The following KCNV2 variants were observed in gnomAD, a reference collection of about 807,000 sequenced individuals.
KCNV2 encodes the protein potassium voltage-gated channel modifier subfamily V member 2.
Under a neutral mutation model 37.0 loss-of-function variants are expected in KCNV2, and 65 were observed. That is an observed-to-expected ratio of 1.76 (90% CI 1.44 to 2.16). KCNV2 has a LOEUF of 2.16. Ranked by LOEUF, KCNV2 falls within the 30% of genes most tolerant of loss-of-function variation. KCNV2 has a pLI of 0.00. For synonymous variants in KCNV2, 518 were observed against 328.6 expected (o/e 1.58, Z -6.23); for missense variants, 1,232 against 766.7 (o/e 1.61, Z -7.17).
rs186539589 is a variant in KCNV2 at position 2,727,791 on chromosome 9, G to A, written c.1357-1655G>A. On this transcript the variant is annotated intron_variant, in intron 1 of 1. Coordinates refer to ENST00000382082, the MANE Select transcript of KCNV2 (RefSeq NM_133497.4). Reference sequence around the variant, plus strand: ...TCAATTCCTATAACAACTCTGTGAGGTAGATACCACACATTTCAAAAGTAG... The same window carrying A: ...TCAATTCCTATAACAACTCTGTGAGATAGATACCACACATTTCAAAAGTAG... Among the ~76,000 whole-genome samples the A allele has an allele frequency of 2.4e-3, 363 of 152,224 alleles. 1 individual carries two copies. The highest frequency in any genetic ancestry group is 5.6e-3 in the Admixed American group (86 of 15,294).
rs759416842 is a variant in KCNV2, at chr9:2,718,458, G to A, written c.719G>A (p.Gly240Asp). Residue 240 changes from glycine (G) to aspartate (D), a missense_variant, in exon 1 of 2, where the codon GGC becomes GAC. Transcript: ENST00000382082. ...CTCTTCCGCGACATGCGCTTCTACG[G>A]CCCGCAGCGGCGCCGCCTCTGGAAC... ...EELFRDMRFY[G>D]PQRRRLWNLM... 16 of 1,607,868 alleles carry A rather than the reference G, an allele frequency of 1.0e-5. No homozygotes were observed. Among genetic ancestry groups the A allele is most frequent in the Admixed American group, 3.4e-5 (2 of 59,380 alleles).
At chr9:2,723,964 T>TC (rs1491449853) in intron 1 of KCNV2, among the ~76,000 whole-genome samples, 3 of 125,222 alleles carry the variant, frequency 2.4e-5, no homozygotes, top group African/African-American at 1.2e-4. Context: ...TTTCTTTTAC[T>TC]TTTTTTTTTT....
intron 1 of KCNV2, among the ~76,000 whole-genome samples, 182 bp from the exon 2 acceptor site, chr9:2,729,264 C>T (rs1454056857): frequency 6.6e-6 from 1 of 152,172 alleles, no homozygotes; most frequent in Non-Finnish European, 1.5e-5. Context: ...AGCTTCTGTT[C>T]TTTTCATGAC....
At chr9:2,724,056 T>C (rs1199154844) in intron 1 of KCNV2, among the ~76,000 whole-genome samples, 1 of 151,876 alleles carries the variant, frequency 6.6e-6, no homozygotes, top group Non-Finnish European at 1.5e-5. Context: ...ATGGGTATGT[T>C]TTCAAGTAGA....
rs1819914684 is a variant in KCNV2 at position 2,723,434 on chromosome 9, T to C, written c.1356+4339T>C. On this transcript the variant is annotated intron_variant, in intron 1 of 1. Transcript: ENST00000382082. Reference sequence around the variant, plus strand: ...AAGGATTTAAGAAAAATACAGTAGTTTTCATTACTGTGAATTCTCCTGCAG... The same window carrying C: ...AAGGATTTAAGAAAAATACAGTAGTCTTCATTACTGTGAATTCTCCTGCAG... Among the ~76,000 whole-genome samples, 7 of 152,334 alleles carry C rather than the reference T, an allele frequency of 4.6e-5. No individual in the cohort carries two copies. In the South Asian group the frequency reaches 1.5e-3, roughly 32 times the overall value.
chr9:2,729,332 TTACAC>T (rs1382016620), intron 1 of KCNV2, 109 bp from the exon 2 acceptor site: 1 of 1,170,832 alleles, frequency 8.5e-7, no homozygotes, highest in African/African-American at 1.5e-5. Context: ...TGGGAAGCCA[TTACAC>T]TTCCCATGTG....
intron 1 of KCNV2, among the ~76,000 whole-genome samples, chr9:2,721,706 T>C (rs1462440604): frequency 6.6e-6 from 1 of 152,172 alleles, no homozygotes; most frequent in Admixed American, 6.5e-5. Context: ...TACATTCTAA[T>C]GGAGAAAGAC....
chr9:2,724,566 G>C (rs1819939200), intron 1 of KCNV2, among the ~76,000 whole-genome samples: 1 of 152,208 alleles, frequency 6.6e-6, no homozygotes, highest in South Asian at 2.1e-4. Flanking sequence ...ATGGGAAAAG[G>C]TGTTGCCACC....
At chr9:2,722,858 C>G (rs998139745) in intron 1 of KCNV2, among the ~76,000 whole-genome samples, 1 of 152,146 alleles carries the variant, frequency 6.6e-6, no homozygotes, top group African/African-American at 2.4e-5. Flanking sequence ...CTGCATTCCT[C>G]TGGCAGACTC....
In KCNV2 at chr9:2,717,929, G is replaced by T; in HGVS notation, c.190G>T (p.Glu64Ter). 6.2e-7 allele frequency: 1 copy of T among 1,614,182 alleles called. No individual in the cohort carries two copies. The highest frequency in any genetic ancestry group is 1.1e-5 in the South Asian group (1 of 91,086). Reference protein sequence around the residue: ...YIEEDEDGEEEDQWKDDLAEE... With the variant: ...YIEEDEDGEE ...CGAGGAAGACGAAGACGGCGAGGAG[G>T]AGGACCAGTGGAAGGACGACCTGGC... Residue 64 changes from glutamate to a stop codon, truncating the protein, a stop_gained, in exon 1 of 2, where the codon GAG becomes TAG. Coordinates refer to ENST00000382082, the MANE Select transcript of KCNV2 (RefSeq NM_133497.4). LOFTEE classifies it high-confidence loss of function.
Position 2,729,971 on chromosome 9 carries a change from A to G in KCNV2, c.*244A>G. 2.0e-6 allele frequency: 1 copy of G among 492,962 alleles called. No homozygotes were observed. The highest frequency in any genetic ancestry group is 3.6e-6 in the Non-Finnish European group (1 of 277,050). The allele number at this position is 492,962 out of a possible 1,614,324, so 30.5% of individuals were successfully genotyped here. On this transcript the variant is annotated 3_prime_UTR_variant, in exon 2 of 2. Coordinates refer to ENST00000382082, the MANE Select transcript of KCNV2 (RefSeq NM_133497.4). ...ACGTTGATATTGAAAACCTGAGGGG[A>G]GCAACAGCTTAGATTTTTCTTGTAG...
rs886063817 is a variant in KCNV2 at position 2,717,560 on chromosome 9, G to A, written c.-180G>A. ...CAGACCCTGCAGGCTGGGCTGGCCTGCCCAGGACCTGAGAAGGGGCAGCTC... is the reference window on the plus strand; with the variant it reads ...CAGACCCTGCAGGCTGGGCTGGCCTACCCAGGACCTGAGAAGGGGCAGCTC... On this transcript the variant is annotated 5_prime_UTR_variant, in exon 1 of 2. Transcript: ENST00000382082. The A allele has an allele frequency of 8.8e-5, 63 of 713,400 alleles. 1 individual carries two copies. The South Asian group carries it at 1.0e-3, about 11-fold the overall frequency. 44.2% of individuals were successfully genotyped at this position (713,400 alleles called of 1,614,324 possible).
At chr9:2,720,221 A>G (rs1449802920) in intron 1 of KCNV2, among the ~76,000 whole-genome samples, 1 of 152,226 alleles carries the variant, frequency 6.6e-6, no homozygotes, top group African/African-American at 2.4e-5. Flanking sequence ...CTGACAGTGC[A>G]ATGCAGCATA....
intron 1 of KCNV2, among the ~76,000 whole-genome samples, chr9:2,721,760 A>T (rs576080507): frequency 1.3e-5 from 2 of 152,158 alleles, no homozygotes. Flanking sequence ...TGTGTGGGAT[A>T]ACAAGATTGA....
chr9:2,718,787 C>G lies in KCNV2; in HGVS notation c.1048C>G (p.Leu350Val). The stretch of plus-strand genomic sequence containing the variant: ...GGCCATCCTGCCGCTCTACCTTCAG[C>G]TGCTGCTCGAGTGCTTCACGGGCGA... ...LVAILPLYLQ[L>V]LLECFTGEGH... is the part of the protein sequence containing the mutation. Residue 350 changes from leucine (L) to valine (V), a missense_variant, in exon 1 of 2, where the codon CTG becomes GTG. Coordinates refer to ENST00000382082, the MANE Select transcript of KCNV2 (RefSeq NM_133497.4). 1 of 1,611,002 alleles carries G rather than the reference C, an allele frequency of 6.2e-7. No homozygotes were observed. The highest frequency in any genetic ancestry group is 8.5e-7 in the Non-Finnish European group (1 of 1,179,890).
At chr9:2,720,189 G>C (rs1001628230) in intron 1 of KCNV2, among the ~76,000 whole-genome samples, 1 of 152,234 alleles carries the variant, frequency 6.6e-6, no homozygotes, top group African/African-American at 2.4e-5. Flanking sequence ...GTGCACTTCT[G>C]AGACAAACCA....
rs767584771 is a variant in KCNV2, at chr9:2,718,217, C to T, written c.478C>T (p.Leu160=). The stretch of plus-strand genomic sequence containing the variant: ...CGACCGCGACCCGGCCGTCTTCCAG[C>T]TGGTCTACAATTTCTACCTGTCCGG... ...FFDRDPAVFQ[L]VYNFYLSGVL... Residue 160 remains leucine (L), a synonymous_variant, in exon 1 of 2, where the codon CTG becomes TTG. Coordinates refer to ENST00000382082, the MANE Select transcript of KCNV2 (RefSeq NM_133497.4). 1 of 1,613,546 alleles carries T rather than the reference C, an allele frequency of 6.2e-7. No individual in the cohort carries two copies. The highest frequency in any genetic ancestry group is 1.7e-5 in the Admixed American group (1 of 60,014).
rs1820029833 is a variant in KCNV2 at position 2,729,572 on chromosome 9, A to G, written c.1483A>G (p.Lys495Glu). 2.5e-6 allele frequency: 4 copies of G among 1,613,826 alleles called. No individual in the cohort carries two copies. Among genetic ancestry groups the G allele is most frequent in the Non-Finnish European group, 2.5e-6 (3 of 1,179,986 alleles). The change falls in exon 2 of 2, where the codon AAG becomes GAG. Residue 495 changes from lysine to glutamate, a missense_variant. By Grantham distance (56) the Lys-to-Glu change is moderately conservative. Coordinates refer to ENST00000382082, the MANE Select transcript of KCNV2 (RefSeq NM_133497.4). The part of the protein sequence containing the change: ...NGMPISILYN[K>E]FSDYYSKLKA... Reference sequence around the variant, plus strand: ...GATGCCCATTTCCATCCTCTACAACAAGTTTTCTGATTACTACAGCAAGCT... The same window carrying G: ...GATGCCCATTTCCATCCTCTACAACGAGTTTTCTGATTACTACAGCAAGCT...
chr9:2,718,729 CGCGCGCA>C lies in KCNV2; in HGVS notation c.995_1001del (p.Arg332ProfsTer120). ...CCTCCACGCCCGACCTGAGGCGCTTCGCGCGCAGCGCCCTCAACCTGGTGGACCTGGT... is the reference window on the plus strand; with the variant it reads ...CCTCCACGCCCGACCTGAGGCGCTTCGCGCCCTCAACCTGGTGGACCTGGT... On this transcript the variant is annotated frameshift_variant, in exon 1 of 2. Transcript: ENST00000382082. LOFTEE classifies it high-confidence loss of function. 1 of 1,612,450 alleles carries C rather than the reference CGCGCGCA, an allele frequency of 6.2e-7. No individual in the cohort carries two copies. The highest frequency in any genetic ancestry group is 8.5e-7 in the Non-Finnish European group (1 of 1,179,852).
Sources: gnomAD v4.1 joint callset for allele counts (sites outside exome capture counted in the v4.1 genomes callset) on GRCh38, gnomAD v4.1.1 for gene constraint, MANE v1.5 for transcripts, NCBI Gene and HGNC (gene_info 2026-07-23, HGNC 2026-07-21) for gene names.